GBE1: variants seen among roughly 807,000 people sequenced by gnomAD.
The protein encoded by GBE1 is 1,4-alpha-glucan branching enzyme 1.
In GBE1, 70 loss-of-function variants were observed where a neutral mutation model predicts 88.8. That is an observed-to-expected ratio of 0.79 (90% confidence interval 0.65 to 0.96). The LOEUF is 0.96. Among genes scored for constraint, GBE1 ranks in the 40% least tolerant of loss-of-function variants. GBE1 has a pLI of 0.00. For synonymous variants in GBE1, 284 were observed against 300.1 expected (o/e 0.95, Z 0.56); for missense variants, 872 against 871.0 (o/e 1.00, Z -0.01).
intron 14 of GBE1, among the ~76,000 whole-genome samples, chr3:81,526,323 C>T (rs1465349132): frequency 6.6e-6 from 1 of 152,044 alleles, no homozygotes; most frequent in Non-Finnish European, 1.5e-5. Flanking sequence ...GACAGGGATG[C>T]CCTCTCTCAC....
At chr3:81,530,317 G>A (rs767527071) in intron 14 of GBE1, among the ~76,000 whole-genome samples, 11 of 150,962 alleles carry the variant, frequency 7.3e-5, no homozygotes, top group Non-Finnish European at 1.6e-4. Context: ...TGTCACTCCA[G>A]GATTGGTTAC....
Position 81,653,447 on chromosome 3 carries a change from C to G in GBE1, c.430-3526G>C, listed in dbSNP as rs551652390. On this transcript the variant is annotated intron_variant, in intron 3 of 15. Coordinates refer to ENST00000429644, the MANE Select transcript of GBE1 (RefSeq NM_000158.4). The stretch of plus-strand genomic sequence containing the variant: ...GGTACAGTGAGCTATGATCATGACA[C>G]TGCACTCCAGCCTGGACAACAGAGA... 2.0e-5 allele frequency among the ~76,000 whole-genome samples: 3 copies of G among 152,030 alleles called. No individual in the cohort carries two copies. In the East Asian group the frequency reaches 5.8e-4, roughly 29 times the overall value.
intron 7 of GBE1, among the ~76,000 whole-genome samples, chr3:81,636,453 G>A (rs959249709): frequency 6.6e-6 from 1 of 151,824 alleles, no homozygotes; most frequent in South Asian, 2.1e-4. Context: ...ATTTCTTACT[G>A]TCTGACTTCC....
intron 7 of GBE1, among the ~76,000 whole-genome samples, chr3:81,607,525 G>C (rs768117232): frequency 9.9e-5 from 15 of 152,210 alleles, no homozygotes; most frequent in Middle Eastern, 3.4e-3. Context: ...CTCCAGCCTG[G>C]CGACAGAGCA....
In GBE1 at chr3:81,750,575, ACG is replaced by A. The variant is rs57254946; in HGVS notation, c.143+10798_143+10799del. 4.9e-3 allele frequency among the ~76,000 whole-genome samples: 267 copies of A among 54,838 alleles called. 19 individuals carry two copies. The highest frequency in any genetic ancestry group is 0.02 in the African/African-American group (154 of 7,680). 36.0% of individuals were successfully genotyped at this position (54,838 alleles called of 152,430 possible). On this transcript the variant is annotated intron_variant, in intron 1 of 15. Coordinates refer to ENST00000429644, the MANE Select transcript of GBE1 (RefSeq NM_000158.4). The stretch of plus-strand genomic sequence containing the variant: ...TGTATATATATATGTATATATATAT[ACG>A]TATATATATACGTATATATATATGT...
At chr3:81,586,567 G>C (rs1365428598) in intron 9 of GBE1, among the ~76,000 whole-genome samples, 1 of 152,162 alleles carries the variant, frequency 6.6e-6, no homozygotes, top group Non-Finnish European at 1.5e-5. Flanking sequence ...TGTTATAGTT[G>C]TTCTTTCTGT....
At chr3:81,726,803 G>A (rs1331635734) in intron 1 of GBE1, among the ~76,000 whole-genome samples, 2 of 151,920 alleles carry the variant, frequency 1.3e-5, no homozygotes, top group Non-Finnish European at 2.9e-5. Flanking sequence ...GCTGGTCTCG[G>A]ACTCCTGACC....
At chr3:81,682,357 G>T (rs919066204) in intron 2 of GBE1, among the ~76,000 whole-genome samples, 3 of 152,110 alleles carry the variant, frequency 2.0e-5, no homozygotes, top group African/African-American at 7.2e-5. Flanking sequence ...AGCTACTCAG[G>T]AGGCTGTGGC....
chr3:81,554,603 C>T (rs1225128562), intron 12 of GBE1, among the ~76,000 whole-genome samples: 5 of 152,128 alleles, frequency 3.3e-5, no homozygotes, highest in Non-Finnish European at 7.3e-5. Context: ...TAGTCAATTA[C>T]TCTTTAAGAG....
chr3:81,518,173 A>G (rs1013994061), intron 14 of GBE1, among the ~76,000 whole-genome samples: 5 of 151,420 alleles, frequency 3.3e-5, no homozygotes, highest in African/African-American at 1.2e-4. Flanking sequence ...TATTTCTGAT[A>G]TATTTTTCCT....
intron 12 of GBE1, among the ~76,000 whole-genome samples, chr3:81,574,325 C>G (rs930574026): frequency 1.3e-5 from 2 of 152,106 alleles, no homozygotes; most frequent in Non-Finnish European, 2.9e-5. Flanking sequence ...TAATAGTTAA[C>G]TATAAGCTAT....
chr3:81,724,448 A>G (rs1385720895), intron 1 of GBE1, among the ~76,000 whole-genome samples: 1 of 152,182 alleles, frequency 6.6e-6, no homozygotes, highest in Admixed American at 6.5e-5. Flanking sequence ...TATGATCTCT[A>G]ATCAAATTCA....
chr3:81,642,786 G>T lies in GBE1; in HGVS notation c.987C>A (p.Tyr329Ter). 1 of 1,594,974 alleles carries T rather than the reference G, an allele frequency of 6.3e-7. No individual in the cohort carries two copies. The highest frequency in any genetic ancestry group is 8.6e-7 in the Non-Finnish European group (1 of 1,162,818). ...HDLWDSRLFA[Y>*]SSWEILRFLL... ...TCTATATTGTATGTACCTACCTGGA[G>T]TAGGCAAACAATCTGCTATCCCAAA... The change falls in exon 7 of 16, where the codon TAC (tyrosine) becomes TAA (stop). Residue 329 changes from tyrosine (Y) to a stop codon, truncating the protein, a stop_gained. Transcript: ENST00000429644. LOFTEE classifies it high-confidence loss of function.
intron 1 of GBE1, among the ~76,000 whole-genome samples, chr3:81,723,219 A>G (rs1464705703): frequency 6.6e-6 from 1 of 151,004 alleles, no homozygotes; most frequent in Non-Finnish European, 1.5e-5. Context: ...ACCCTATACC[A>G]GAAACTGACA....
chr3:81,585,129 T>C (rs1559652959), intron 10 of GBE1, among the ~76,000 whole-genome samples: 1 of 152,162 alleles, frequency 6.6e-6, no homozygotes, highest in Non-Finnish European at 1.5e-5. Flanking sequence ...AATACTTGCT[T>C]TTTGACCTGA....
At chr3:81,530,004 C>G (rs564264281) in intron 14 of GBE1, among the ~76,000 whole-genome samples, 1 of 151,936 alleles carries the variant, frequency 6.6e-6, no homozygotes, top group South Asian at 2.1e-4. Flanking sequence ...ATCCTGTAGG[C>G]ATGCTTCATT....
chr3:81,615,789 T>C (rs1350962098), intron 7 of GBE1, among the ~76,000 whole-genome samples: 1 of 152,238 alleles, frequency 6.6e-6, no homozygotes, highest in African/African-American at 2.4e-5. Flanking sequence ...GGAATACATA[T>C]GCAGGAGTGC....
chr3:81,647,518 G>T (rs1057413687), intron 5 of GBE1, among the ~76,000 whole-genome samples: 2 of 151,968 alleles, frequency 1.3e-5, no homozygotes, highest in African/African-American at 4.8e-5. Context: ...AGAAGAAAAA[G>T]TATTGGTCTT....
At chr3:81,594,127 G>A in intron 7 of GBE1, 104 bp from the exon 8 acceptor site, 1 of 538,998 alleles carries the variant, frequency 1.9e-6, no homozygotes, top group Non-Finnish European at 3.3e-6. Flanking sequence ...TCTATCTCAA[G>A]AATCATAATG....
Sources: gnomAD v4.1 joint callset for allele counts (sites outside exome capture counted in the v4.1 genomes callset) on GRCh38, gnomAD v4.1.1 for gene constraint, MANE v1.5 for transcripts, NCBI Gene and HGNC (gene_info 2026-07-23, HGNC 2026-07-21) for gene names.